Variants in C1orf94 observed in about 807,000 individuals in gnomAD.
C1orf94 encodes uncharacterized protein C1orf94.
In C1orf94, 45 loss-of-function variants were observed where a neutral mutation model predicts 53.6. That is an observed-to-expected ratio of 0.84 (90% CI 0.66 to 1.08). C1orf94 has a LOEUF of 1.08. Among genes scored for constraint, C1orf94 ranks in the 50% least tolerant of loss-of-function variants. The probability of loss-of-function intolerance (pLI) is 0.00; values close to 1 mark genes in which losing one functional copy is unlikely to be tolerated. For synonymous variants in C1orf94, 304 were observed against 296.1 expected (o/e 1.03, Z -0.27); for missense variants, 762 against 738.9 (o/e 1.03, Z -0.36).
chr1:34,167,518 C>T (rs1642059433), intron 1 of C1orf94, among the ~76,000 whole-genome samples: 1 of 152,072 alleles, frequency 6.6e-6, no homozygotes, highest in African/African-American at 2.4e-5. Flanking sequence ...GAGGGCAGGG[C>T]ACCTATTTTA....
Position 34,177,694 on chromosome 1 carries a change from T to A in C1orf94, c.-96T>A. 7.5e-6 allele frequency: 8 copies of A among 1,070,966 alleles called. No individual in the cohort carries two copies. Among genetic ancestry groups the A allele is most frequent in the East Asian group, 2.7e-5 (1 of 36,598 alleles). 66.3% of individuals were successfully genotyped at this position (1,070,966 alleles called of 1,614,324 possible). Reference sequence around the variant, plus strand: ...CCTCCACCCACCCCTCCCACACAAATAGAAGGCCTCTGAACCTAACCACCT... The same window carrying A: ...CCTCCACCCACCCCTCCCACACAAAAAGAAGGCCTCTGAACCTAACCACCT... On this transcript the variant is annotated 5_prime_UTR_variant, in exon 1 of 7. An upstream open reading frame in the 5' UTR loses its in-frame stop. Coordinates refer to ENST00000488417, the MANE Select transcript of C1orf94 (RefSeq NM_001134734.2).
At chr1:34,194,965 C>T (rs527631632) in intron 1 of C1orf94, among the ~76,000 whole-genome samples, 1 of 152,184 alleles carries the variant, frequency 6.6e-6, no homozygotes, top group South Asian at 2.1e-4. Context: ...GGATCTAAAA[C>T]TTGAGACCGC....
chr1:34,202,159 C>T lies in C1orf94; in HGVS notation c.1346C>T (p.Thr449Ile), dbSNP rs777515823. 6.2e-7 allele frequency: 1 copy of T among 1,614,212 alleles called. No homozygotes were observed. Among genetic ancestry groups the T allele is most frequent in the Non-Finnish European group, 8.5e-7 (1 of 1,180,034 alleles). The change falls in exon 4 of 7, where the codon ACA becomes ATA. Residue 449 changes from threonine (T) to isoleucine (I), a missense_variant. Thr to Ile is a moderately conservative substitution (Grantham distance 89, BLOSUM62 -1). Coordinates refer to ENST00000488417, the MANE Select transcript of C1orf94 (RefSeq NM_001134734.2). ...TGNVFTPHFPTAMTSATLNQP... is the reference protein window; with the variant it reads ...TGNVFTPHFPIAMTSATLNQP... ...AATGTTTTCACTCCACACTTTCCTA[C>T]AGCCATGACCTCAGCAACCCTGAAC... is the stretch of plus-strand genomic sequence containing the variant.
upstream of C1orf94, among the ~76,000 whole-genome samples, chr1:34,174,529 A>G (rs1168923011): frequency 6.6e-6 from 1 of 152,220 alleles, no homozygotes; most frequent in African/African-American, 2.4e-5. Flanking sequence ...ATTAAAAAAA[A>G]GAAAAAAGCC....
At chr1:34,207,250 G>A (rs929132441) in intron 4 of C1orf94, among the ~76,000 whole-genome samples, 2 of 144,318 alleles carry the variant, frequency 1.4e-5, no homozygotes, top group African/African-American at 5.3e-5. Flanking sequence ...TGCCACAGCA[G>A]CAGTTCTGCG....
At chr1:34,195,288 G>A (rs1026216582) in intron 1 of C1orf94, among the ~76,000 whole-genome samples, 2 of 152,128 alleles carry the variant, frequency 1.3e-5, no homozygotes, top group East Asian at 1.9e-4. Context: ...CAGTGACCTC[G>A]CCCAATGCTC....
At chr1:34,169,308 A>C (rs1192910191) in intron 1 of C1orf94, among the ~76,000 whole-genome samples, 2 of 152,104 alleles carry the variant, frequency 1.3e-5, no homozygotes, top group Admixed American at 1.3e-4. Context: ...TGTGGGTCTC[A>C]GCCCAGCCCC....
At chr1:34,172,432 G>A (rs987653783), upstream of C1orf94, among the ~76,000 whole-genome samples, 1 of 152,102 alleles carries the variant, frequency 6.6e-6, no homozygotes, top group Non-Finnish European at 1.5e-5. Context: ...AGAAGTTCAC[G>A]TGCATTTCCA....
chr1:34,211,310 A>G (rs2148622684), intron 5 of C1orf94, among the ~76,000 whole-genome samples: 1 of 151,790 alleles, frequency 6.6e-6, no homozygotes, highest in East Asian at 1.9e-4. Flanking sequence ...TTCATTTAAC[A>G]TATGTTTGTT....
In C1orf94 at chr1:34,218,953, A is replaced by G; in HGVS notation, c.*192A>G. On this transcript the variant is annotated 3_prime_UTR_variant, in exon 7 of 7. Transcript: ENST00000488417. ...AATAGCCCTCCTCACACATGGCACAAGCTACACACACACACACACACATGA... is the reference window on the plus strand; with the variant it reads ...AATAGCCCTCCTCACACATGGCACAGGCTACACACACACACACACACATGA... 1 of 394,222 alleles carries G rather than the reference A, an allele frequency of 2.5e-6. No individual in the cohort carries two copies. Among genetic ancestry groups the G allele is most frequent in the Middle Eastern group, 6.1e-4 (1 of 1,628 alleles). 24.4% of individuals were successfully genotyped at this position (394,222 alleles called of 1,614,324 possible).
intron 3 of C1orf94, 86 bp downstream of exon 3, chr1:34,201,118 G>T: frequency 6.7e-7 from 1 of 1,503,696 alleles, no homozygotes; most frequent in Non-Finnish European, 8.9e-7. Context: ...TCACCAAGTG[G>T]CTGTCTTATC....
chr1:34,218,618 A>G, intron 6 of C1orf94, 68 bp from the exon 7 acceptor site: 4 of 1,254,284 alleles, frequency 3.2e-6, no homozygotes, highest in South Asian at 2.9e-5. Context: ...ATTAATATAT[A>G]TATTTTTCTA....
intron 4 of C1orf94, among the ~76,000 whole-genome samples, chr1:34,206,536 C>T (rs1642796956): frequency 6.6e-6 from 1 of 152,210 alleles, no homozygotes; most frequent in African/African-American, 2.4e-5. Context: ...CAAACGATAT[C>T]CATGCATGTT....
chr1:34,212,423 T>A lies in C1orf94; in HGVS notation c.1721+17T>A. On this transcript the variant is annotated intron_variant, in intron 6 of 6. Coordinates refer to ENST00000488417, the MANE Select transcript of C1orf94 (RefSeq NM_001134734.2). ...AGGATATGGGTGAGTCAGCCCACAC[T>A]GGGAGCCTAAGGGTATCCAGAAAGC... The A allele has an allele frequency of 6.2e-7, 1 of 1,602,716 alleles. No individual in the cohort carries two copies. The highest frequency in any genetic ancestry group is 8.5e-7 in the Non-Finnish European group (1 of 1,174,754).
chr1:34,199,416 A>C (rs1280765458), intron 2 of C1orf94, among the ~76,000 whole-genome samples: 1 of 152,156 alleles, frequency 6.6e-6, no homozygotes, highest in Non-Finnish European at 1.5e-5. Context: ...TTTTGCTAAA[A>C]ATGTTGTTTC....
chr1:34,191,987 C>T (rs982702834), intron 1 of C1orf94, among the ~76,000 whole-genome samples: 5 of 152,066 alleles, frequency 3.3e-5, no homozygotes, highest in Non-Finnish European at 5.9e-5. Context: ...GAGGTGGCAC[C>T]GCGTGGAGCT....
intron 3 of C1orf94, among the ~76,000 whole-genome samples, chr1:34,201,402 C>T (rs1259778981): frequency 1.3e-5 from 2 of 152,102 alleles, no homozygotes; most frequent in Non-Finnish European, 2.9e-5. Context: ...GGGTTCTAGT[C>T]AAACCTCTTT....
intron 1 of C1orf94, among the ~76,000 whole-genome samples, chr1:34,188,977 CT>C (rs1433853924): frequency 6.7e-6 from 1 of 149,066 alleles, no homozygotes; most frequent in Non-Finnish European, 1.5e-5. Flanking sequence ...CCTTCCTTCC[CT>C]GTTTTCTTTC....
At chr1:34,201,744 GC>G (rs1414589468) in intron 3 of C1orf94, among the ~76,000 whole-genome samples, 1 of 152,208 alleles carries the variant, frequency 6.6e-6, no homozygotes, top group East Asian at 1.9e-4. Flanking sequence ...TTTTTCCAAA[GC>G]AGTTGAAAGA....
Sources: allele counts gnomAD v4.1 joint callset (sites outside exome capture counted in the v4.1 genomes callset), GRCh38; gene constraint gnomAD v4.1.1; transcripts MANE v1.5; gene names NCBI Gene and HGNC (gene_info 2026-07-23, HGNC 2026-07-21).